Variants in FILIP1L observed in about 807,000 individuals in gnomAD.
FILIP1L encodes the protein filamin A interacting protein 1 like, also known as filamin A-interacting protein 1-like.
FILIP1L carries 55 observed loss-of-function variants against 96.6 expected under a neutral mutation model. The ratio of observed to expected loss-of-function variants is 0.57; its 90% CI spans 0.46 to 0.71. The LOEUF (loss-of-function observed/expected upper bound fraction) is 0.71, where lower values mean the gene tolerates loss of function less well. FILIP1L is among the 30% of genes least tolerant of loss of function. The probability of loss-of-function intolerance (pLI) is 0.00; values close to 1 mark genes in which losing one functional copy is unlikely to be tolerated. For missense variants in FILIP1L, 1,304 were observed against 1,321.2 expected, an observed-to-expected ratio of 0.99 and a Z score of 0.20; for synonymous variants, 467 against 473.9, an observed-to-expected ratio of 0.99 and a Z score of 0.19.
intron 1 of FILIP1L, among the ~76,000 whole-genome samples, chr3:99,982,362 C>T: frequency 6.6e-6 from 1 of 150,894 alleles, no homozygotes; most frequent in African/African-American, 2.4e-5. Context: ...TTTTTTGAGA[C>T]AGGGTCTCAC....
intron 5 of FILIP1L, among the ~76,000 whole-genome samples, chr3:99,846,750 T>C (rs1048657849): frequency 1.3e-5 from 2 of 152,214 alleles, no homozygotes; most frequent in South Asian, 4.1e-4. Flanking sequence ...AGGAGGATAA[T>C]TGTGAAAGCT....
chr3:99,928,300 T>A (rs1280109003), intron 3 of FILIP1L, among the ~76,000 whole-genome samples: 12 of 152,176 alleles, frequency 7.9e-5, no homozygotes, highest in Non-Finnish European at 1.0e-4. Context: ...AACTGGGTTG[T>A]GTACGTGGAG....
At chr3:99,966,127 T>G (rs1341320927) in intron 1 of FILIP1L, among the ~76,000 whole-genome samples, 2 of 152,220 alleles carry the variant, frequency 1.3e-5, no homozygotes, top group Non-Finnish European at 2.9e-5. Context: ...CAATATCTCT[T>G]AGGAAAGGTA....
chr3:99,924,463 T>C (rs1019025233), intron 3 of FILIP1L, 55 bp from the exon 4 acceptor site: 78 of 1,507,900 alleles, frequency 5.2e-5, no homozygotes, highest in Non-Finnish European at 7.0e-5. Flanking sequence ...ACTGTTGTCT[T>C]TCACTCTTTT....
In FILIP1L at chr3:99,985,799, G is replaced by A. The variant is rs140781882; in HGVS notation, c.-10-54769C>T. On this transcript the variant is annotated intron_variant, in intron 1 of 5. Coordinates refer to ENST00000477258, the MANE Select transcript of FILIP1L (RefSeq NM_001387850.1). ...AGATGGGGTTTCCCCATGTTGGTCA[G>A]GCTGGTCTCGAACTCCTGACCTCAG... Among the ~76,000 whole-genome samples, 1,104 of 152,204 alleles carry A rather than the reference G, an allele frequency of 7.3e-3. 19 individuals carry two copies. The highest frequency in any genetic ancestry group is 0.025 in the African/African-American group (1,018 of 41,536).
chr3:99,842,528 T>A (rs1372179607), intron 5 of FILIP1L, among the ~76,000 whole-genome samples: 1 of 148,778 alleles, frequency 6.7e-6, no homozygotes, highest in Non-Finnish European at 1.5e-5. Context: ...AAAGATGGTC[T>A]CAGGTAACCC....
intron 1 of FILIP1L, among the ~76,000 whole-genome samples, chr3:100,043,997 GT>G (rs943763230): frequency 2.6e-4 from 39 of 152,146 alleles, no homozygotes; most frequent in Non-Finnish European, 1.2e-4. Context: ...TTCCATCCAC[GT>G]TGTTGGAAGG....
chr3:100,096,101 T>G (rs1436266803), intron 1 of FILIP1L, among the ~76,000 whole-genome samples: 1 of 152,114 alleles, frequency 6.6e-6, no homozygotes, highest in African/African-American at 2.4e-5. Context: ...AAAATGACTT[T>G]TATCCAAAAC....
At chr3:99,861,931 A>G (rs966545733) in intron 4 of FILIP1L, among the ~76,000 whole-genome samples, 22 of 152,184 alleles carry the variant, frequency 1.4e-4, no homozygotes, top group African/African-American at 5.3e-4. Flanking sequence ...TAGAATGGGG[A>G]TAATATTAGA....
At chr3:99,955,029 G>A (rs1320381237) in intron 1 of FILIP1L, among the ~76,000 whole-genome samples, 1 of 152,146 alleles carries the variant, frequency 6.6e-6, no homozygotes, top group Non-Finnish European at 1.5e-5. Context: ...TTATATAATG[G>A]TAAATGAAAG....
At position 99,849,751 on chromosome 3, in the gene FILIP1L, A is replaced by G. The variant is rs751665212; in HGVS notation, c.1925T>C (p.Met642Thr). The change falls in exon 5 of 6, where the codon ATG (methionine) becomes ACG (threonine). Residue 642 changes from methionine (M) to threonine (T), a missense_variant. Transcript: ENST00000477258. ...VERLKLKLKD[M>T]KAIEDDLMKT... ...CATGAGGTCATCCTCAATGGCTTTC[A>G]TGTCCTTTAGCTTCAGTTTCAGTCT... 1.9e-6 allele frequency: 3 copies of G among 1,613,486 alleles called. No individual in the cohort carries two copies. Among genetic ancestry groups the G allele is most frequent in the South Asian group, 2.2e-5 (2 of 91,042 alleles).
chr3:99,850,952 C>G lies in FILIP1L; in HGVS notation c.724G>C (p.Val242Leu). 1 of 1,614,190 alleles carries G rather than the reference C, an allele frequency of 6.2e-7. No individual in the cohort carries two copies. Among genetic ancestry groups the G allele is most frequent in the Non-Finnish European group, 8.5e-7 (1 of 1,180,028 alleles). The change falls in exon 5 of 6, where the codon GTG (valine) becomes CTG (leucine). Residue 242 changes from valine (V) to leucine (L), a missense_variant. Physicochemically the swap from Val to Leu is conservative, Grantham distance 32. Transcript: ENST00000477258. ...LTKLKSFALMVVDEQQRLTAQ... is the reference protein window; with the variant it reads ...LTKLKSFALMLVDEQQRLTAQ... Reference sequence around the variant, plus strand: ...GTCAGCCTTTGCTGTTCATCCACCACCATCAAAGCAAAAGACTTCAGCTTG... The same window carrying G: ...GTCAGCCTTTGCTGTTCATCCACCAGCATCAAAGCAAAAGACTTCAGCTTG...
At chr3:99,937,231 C>T (rs1184475341) in intron 1 of FILIP1L, among the ~76,000 whole-genome samples, 1 of 152,186 alleles carries the variant, frequency 6.6e-6, no homozygotes, top group Non-Finnish European at 1.5e-5. Flanking sequence ...AGCCACCATG[C>T]CCAGCCTAGC....
chr3:100,026,239 G>A (rs963155771), intron 1 of FILIP1L, among the ~76,000 whole-genome samples: 4 of 151,986 alleles, frequency 2.6e-5, no homozygotes, highest in African/African-American at 4.8e-5. Flanking sequence ...AATGCCCTTC[G>A]TTTAGTCAAA....
At chr3:100,061,507 TTAA>T (rs1225262818) in intron 1 of FILIP1L, among the ~76,000 whole-genome samples, 3 of 152,262 alleles carry the variant, frequency 2.0e-5, no homozygotes, top group Non-Finnish European at 4.4e-5. Flanking sequence ...TTATTTCTTA[TTAA>T]TACCTCCTGC....
At chr3:99,949,513 T>G (rs954280599) in intron 1 of FILIP1L, among the ~76,000 whole-genome samples, 10 of 152,200 alleles carry the variant, frequency 6.6e-5, no homozygotes, top group Non-Finnish European at 1.5e-4. Flanking sequence ...GCAATTTTAC[T>G]CGCAGTACGT....
At chr3:99,912,338 G>T (rs1706817382) in intron 4 of FILIP1L, among the ~76,000 whole-genome samples, 1 of 152,142 alleles carries the variant, frequency 6.6e-6, no homozygotes, top group Non-Finnish European at 1.5e-5. Flanking sequence ...TCTAGCGGCT[G>T]TAGTGTCACT....
At chr3:100,014,167 C>T (rs1020317417) in intron 1 of FILIP1L, among the ~76,000 whole-genome samples, 2 of 150,516 alleles carry the variant, frequency 1.3e-5, no homozygotes, top group African/African-American at 4.9e-5. Context: ...CTTTGTAAAC[C>T]CTGAATAGTA....
intron 1 of FILIP1L, among the ~76,000 whole-genome samples, chr3:99,935,695 G>A (rs554325279): frequency 2.6e-5 from 4 of 152,280 alleles, no homozygotes; most frequent in South Asian, 2.1e-4. Flanking sequence ...GGGATTTCCC[G>A]CTTTAGAATT....
Sources: allele counts gnomAD v4.1 joint callset (sites outside exome capture counted in the v4.1 genomes callset), GRCh38; gene constraint gnomAD v4.1.1; transcripts MANE v1.5; gene names NCBI Gene and HGNC (gene_info 2026-07-23, HGNC 2026-07-21).